INSC: variants seen among roughly 807,000 people sequenced by gnomAD.
The protein encoded by INSC is INSC spindle orientation adaptor protein, also known as protein inscuteable homolog.
A neutral mutation model predicts 58.6 loss-of-function variants in INSC; 67 were observed. That is an observed-to-expected ratio of 1.14 (90% CI 0.94 to 1.40). The LOEUF is 1.40. INSC is among the 40% of genes most tolerant of loss of function. The pLI, the probability that INSC is intolerant of heterozygous loss-of-function variation, is 0.00. For synonymous variants in INSC, 262 were observed against 276.1 expected, an observed-to-expected ratio of 0.95 and a Z score of 0.51; for missense variants, 714 against 692.0, an observed-to-expected ratio of 1.03 and a Z score of -0.36.
chr11:15,188,704 G>A (rs1284732273), intron 5 of INSC, among the ~76,000 whole-genome samples: 1 of 152,212 alleles, frequency 6.6e-6, no homozygotes, highest in Non-Finnish European at 1.5e-5. Context: ...ATTATTCTCA[G>A]ACTTAAATTG....
chr11:15,117,921 C>T (rs1380733080), intron 1 of INSC, among the ~76,000 whole-genome samples: 1 of 152,176 alleles, frequency 6.6e-6, no homozygotes, highest in African/African-American at 2.4e-5. Context: ...TTGATAAACA[C>T]CCCCTGCTCC....
At chr11:15,249,845 G>A (rs1413376315), downstream of INSC, among the ~76,000 whole-genome samples, 1 of 152,216 alleles carries the variant, frequency 6.6e-6, no homozygotes, top group African/African-American at 2.4e-5. Flanking sequence ...GCAGGGCATT[G>A]GCCAGCTATG....
At chr11:15,195,911 G>A (rs7948669) in intron 6 of INSC, among the ~76,000 whole-genome samples, 2,560 of 152,268 alleles carry the variant, frequency 0.017, 74 homozygotes, top group African/African-American at 0.058. Context: ...GTTTTCATGG[G>A]AAAAGTAAGG....
At chr11:15,238,839 T>C in intron 10 of INSC, 80 bp from the exon 11 acceptor site, 1 of 1,470,030 alleles carries the variant, frequency 6.8e-7, no homozygotes, top group South Asian at 1.3e-5. Flanking sequence ...GCTTGCACCC[T>C]GCAGCCATCT....
In INSC at chr11:15,178,387, G is replaced by A; in HGVS notation, c.519G>A (p.Leu173=). The A allele has an allele frequency of 1.2e-6, 2 of 1,613,740 alleles. No individual in the cohort carries two copies. The highest frequency in any genetic ancestry group is 1.7e-6 in the Non-Finnish European group (2 of 1,180,030). The change falls in exon 5 of 13, where the codon CTG becomes CTA. Residue 173 remains leucine, a synonymous_variant. Coordinates refer to ENST00000379556, the MANE Select transcript of INSC (RefSeq NM_001042536.3). The part of the protein sequence containing the change: ...KSMKACVSET[L]SMLGQHFGQL... ...TGAAGGCCTGCGTGAGTGAGACCCT[G>A]AGCATGCTGGGCCAGCACTTTGGTC...
chr11:15,130,852 C>T (rs1848108616), intron 1 of INSC, among the ~76,000 whole-genome samples: 1 of 152,062 alleles, frequency 6.6e-6, no homozygotes, highest in Non-Finnish European at 1.5e-5. Flanking sequence ...CTTATCTCTG[C>T]TGCATCTGTA....
rs182695469 is a variant in INSC at position 15,207,147 on chromosome 11, G to T, written c.819+6198G>T. ...CAGATGAGGGGCTGGAGATGTTAGG[G>T]ATAGGAAGCTACAGGTCTGTGGCCA... On this transcript the variant is annotated intron_variant, in intron 7 of 12. Coordinates refer to ENST00000379556, the MANE Select transcript of INSC (RefSeq NM_001042536.3). Among the ~76,000 whole-genome samples the T allele has an allele frequency of 3.5e-4, 54 of 152,242 alleles. No homozygotes were observed. In the East Asian group the frequency reaches 9.1e-3, roughly 26 times the overall value.
chr11:15,186,248 C>CT (rs34968510), intron 5 of INSC, among the ~76,000 whole-genome samples: 118,746 of 148,886 alleles, frequency 0.8, 47,376 homozygotes, highest in East Asian at 0.98. Flanking sequence ...CTTTCTGCTA[C>CT]TTTTTTTTTT....
chr11:15,240,471 G>A lies in INSC; in HGVS notation c.1418G>A (p.Cys473Tyr), dbSNP rs756889454. 1 of 1,613,928 alleles carries A rather than the reference G, an allele frequency of 6.2e-7. No individual in the cohort carries two copies. The part of the protein sequence containing the change: ...LSCMSRLIEL[C>Y]RSPSERNSSD... ...GGCATGTCCCGTCTCATCGAGCTCT[G>A]CAGATCCCCATCAGAGAGGAACAGC... The change falls in exon 12 of 13, where the codon TGC becomes TAC. Residue 473 changes from cysteine to tyrosine, a missense_variant. By Grantham distance (194) the Cys-to-Tyr change is radical (BLOSUM62 -2). Coordinates refer to ENST00000379556, the MANE Select transcript of INSC (RefSeq NM_001042536.3).
chr11:15,142,883 C>T (rs542064516), intron 1 of INSC, among the ~76,000 whole-genome samples: 1 of 152,018 alleles, frequency 6.6e-6, no homozygotes, highest in East Asian at 1.9e-4. Flanking sequence ...CATATGTATA[C>T]ATGTGCCATG....
At chr11:15,211,263 T>C (rs1425034421) in intron 7 of INSC, among the ~76,000 whole-genome samples, 1 of 152,256 alleles carries the variant, frequency 6.6e-6, no homozygotes, top group Non-Finnish European at 1.5e-5. Context: ...TCCTCTCTTA[T>C]TATGGTTTCA....
intron 2 of INSC, among the ~76,000 whole-genome samples, chr11:15,171,331 G>T (rs552314310): frequency 1.3e-5 from 2 of 152,124 alleles, no homozygotes; most frequent in South Asian, 4.1e-4. Flanking sequence ...TACCTCCCCT[G>T]CCCTGCCCAC....
At chr11:15,131,607 A>G (rs1338264138) in intron 1 of INSC, among the ~76,000 whole-genome samples, 1 of 152,064 alleles carries the variant, frequency 6.6e-6, no homozygotes, top group African/African-American at 2.4e-5. Context: ...TTCTCCTTGA[A>G]GTTTTATCAA....
At chr11:15,224,411 G>A (rs1851553996) in intron 8 of INSC, among the ~76,000 whole-genome samples, 1 of 152,208 alleles carries the variant, frequency 6.6e-6, no homozygotes, top group Admixed American at 6.5e-5. Context: ...TCACAGGTAG[G>A]TGCTAAGAGG....
At chr11:15,113,643 T>C (rs1446135706), upstream of INSC, among the ~76,000 whole-genome samples, 4 of 151,690 alleles carry the variant, frequency 2.6e-5, no homozygotes, top group Non-Finnish European at 5.9e-5. Flanking sequence ...ACTTGGGGAG[T>C]AGAATCAGGC....
At chr11:15,157,885 G>A (rs1232343930) in intron 2 of INSC, among the ~76,000 whole-genome samples, 3 of 152,104 alleles carry the variant, frequency 2.0e-5, no homozygotes, top group Admixed American at 6.5e-5. Context: ...CACTTCTGCT[G>A]TGGCCCTGTG....
chr11:15,230,006 TATATATAATATATA>T, intron 9 of INSC, among the ~76,000 whole-genome samples: 1 of 26,236 alleles, frequency 3.8e-5, no homozygotes, highest in Non-Finnish European at 6.2e-5. Flanking sequence ...TATATATATA[TATATATAATATATA>T]TATATATATA....
rs142856123 is a variant in INSC at position 15,204,139 on chromosome 11, C to T, written c.819+3190C>T. On this transcript the variant is annotated intron_variant, in intron 7 of 12. Transcript: ENST00000379556. Reference sequence around the variant, plus strand: ...GAGAGGAACAATAACTAACATATATCGAATACTTGCTTTGGGCAAGCACTT... The same window carrying T: ...GAGAGGAACAATAACTAACATATATTGAATACTTGCTTTGGGCAAGCACTT... Among the ~76,000 whole-genome samples the T allele has an allele frequency of 1.9e-3, 282 of 152,340 alleles. 1 individual carries two copies. The highest frequency in any genetic ancestry group is 6.1e-3 in the African/African-American group (254 of 41,566).
At chr11:15,236,114 ATG>A (rs1852120573) in intron 10 of INSC, among the ~76,000 whole-genome samples, 1 of 151,094 alleles carries the variant, frequency 6.6e-6, no homozygotes, top group Non-Finnish European at 1.5e-5. Flanking sequence ...CTGAGCATAT[ATG>A]TGTGTGCTTG....
Sources: gnomAD v4.1 joint callset for allele counts (sites outside exome capture counted in the v4.1 genomes callset) on GRCh38, gnomAD v4.1.1 for gene constraint, MANE v1.5 for transcripts, NCBI Gene and HGNC (gene_info 2026-07-23, HGNC 2026-07-21) for gene names.